RORA: variants seen among roughly 807,000 people sequenced by gnomAD.
RORA encodes RAR related orphan receptor A, also known as nuclear receptor ROR-alpha.
Under a neutral mutation model 69.5 loss-of-function variants are expected in RORA, and 7 were observed. The ratio of observed to expected loss-of-function variants is 0.10; its 90% CI spans 0.06 to 0.19. The LOEUF is 0.19. RORA is among the 10% of genes least tolerant of loss of function. The pLI is 1.00. For synonymous variants in RORA, 261 were observed against 240.8 expected (o/e 1.08, Z -0.78); for missense variants, 457 against 663.0 (o/e 0.69, Z 3.41).
chr15:60,523,491 TAGAC>T (rs2066245740), intron 3 of RORA, among the ~76,000 whole-genome samples: 1 of 152,220 alleles, frequency 6.6e-6, no homozygotes, highest in Non-Finnish European at 1.5e-5. Context: ...TACATACAGA[TAGAC>T]ACTTTTTGCT....
At chr15:60,581,266 A>C (rs2068185162) in intron 2 of RORA, among the ~76,000 whole-genome samples, 1 of 152,236 alleles carries the variant, frequency 6.6e-6, no homozygotes, top group Non-Finnish European at 1.5e-5. Context: ...GCTTAGAAAG[A>C]CTGCCAAAAC....
At chr15:60,990,983 C>A (rs1894359706) in intron 1 of RORA, among the ~76,000 whole-genome samples, 1 of 152,132 alleles carries the variant, frequency 6.6e-6, no homozygotes, top group South Asian at 2.1e-4. Flanking sequence ...TATGTCATGT[C>A]TATTAAAAAA....
rs1231962234 is a variant in RORA, at chr15:60,554,082, G to GT, written c.197-22232dup. ...ATAAGCGGGTAGAGGAAGAAGTTGG[G>GT]TTTTTTCCTCTCTAACACTGAGTAA... is the stretch of plus-strand genomic sequence containing the variant. On this transcript the variant is annotated intron_variant, in intron 2 of 10. Coordinates refer to ENST00000335670, the MANE Select transcript of RORA (RefSeq NM_134261.3). Among the ~76,000 whole-genome samples the GT allele has an allele frequency of 2.6e-5, 4 of 151,966 alleles. No individual in the cohort carries two copies. The East Asian group carries it at 7.7e-4, about 29-fold the overall frequency.
intron 2 of RORA, among the ~76,000 whole-genome samples, chr15:60,624,441 T>A (rs1420927010): frequency 7.2e-5 from 10 of 138,334 alleles, no homozygotes; most frequent in African/African-American, 2.7e-4. Context: ...CATTACCACA[T>A]GTATGGAAGA....
At chr15:60,717,796 C>CTTTTTTTTTTTTTTTTTTTTTTTTTT (rs10653856) in intron 1 of RORA, among the ~76,000 whole-genome samples, 1 of 91,992 alleles carries the variant, frequency 1.1e-5, no homozygotes, top group Non-Finnish European at 2.0e-5. Context: ...TTCTTTTTCT[C>CTTTTTTTTTTTTTTTTTTTTTTTTTT]TTTTTTTTTT....
rs114829156 is a variant in RORA at position 61,120,355 on chromosome 15, T to C, written c.166+108698A>G. On this transcript the variant is annotated intron_variant, in intron 1 of 10. Transcript: ENST00000335670. ...GAGCTGAAGACCATTGTTCCAAAGG[T>C]CTGATATGCAAGCAGAGCTGAAGAC... Among the ~76,000 whole-genome samples, 643 of 150,534 alleles carry C rather than the reference T, an allele frequency of 4.3e-3. 5 individuals carry two copies. Among genetic ancestry groups the C allele is most frequent in the Middle Eastern group, 0.02 (6 of 294 alleles).
chr15:60,602,894 C>T (rs564317000), intron 2 of RORA, among the ~76,000 whole-genome samples: 12 of 152,226 alleles, frequency 7.9e-5, no homozygotes, highest in African/African-American at 2.9e-4. Context: ...CAGAACAGTT[C>T]TATTCCCCTC....
chr15:61,173,913 C>A (rs757192747), intron 1 of RORA, among the ~76,000 whole-genome samples: 6 of 152,198 alleles, frequency 3.9e-5, no homozygotes, highest in Non-Finnish European at 7.3e-5. Flanking sequence ...CTTTTCAGAT[C>A]CATCTTCCAG....
At chr15:60,820,746 T>C (rs954931041) in intron 1 of RORA, among the ~76,000 whole-genome samples, 9 of 152,236 alleles carry the variant, frequency 5.9e-5, no homozygotes, top group African/African-American at 2.2e-4. Flanking sequence ...TCCCAACTTC[T>C]AATTTTCAAT....
intron 1 of RORA, among the ~76,000 whole-genome samples, chr15:61,081,820 A>AG (rs979798891): frequency 7.9e-5 from 12 of 151,792 alleles, no homozygotes; most frequent in Admixed American, 2.0e-4. Flanking sequence ...AAAAAAAAAA[A>AG]AAAGAAAGAA....
chr15:61,118,258 C>A (rs956441511), intron 1 of RORA, among the ~76,000 whole-genome samples: 11 of 152,082 alleles, frequency 7.2e-5, no homozygotes, highest in African/African-American at 2.4e-4. Flanking sequence ...CTCAACTGAG[C>A]CTTCAGGCCT....
rs574061217 is a variant in RORA, at chr15:60,541,925, C to G, written c.197-10074G>C. On this transcript the variant is annotated intron_variant, in intron 2 of 10. Transcript: ENST00000335670. Reference sequence around the variant, plus strand: ...TATTCCATTTTCAGTTTCTGCTCCTCTAGTCCAAGGTGCTTCTTTTGCCTA... The same window carrying G: ...TATTCCATTTTCAGTTTCTGCTCCTGTAGTCCAAGGTGCTTCTTTTGCCTA... Among the ~76,000 whole-genome samples the G allele has an allele frequency of 3.9e-5, 6 of 152,314 alleles. No individual in the cohort carries two copies. In the East Asian group the frequency reaches 9.6e-4, roughly 24 times the overall value.
At chr15:60,841,993 C>T (rs140624829) in intron 1 of RORA, among the ~76,000 whole-genome samples, 11 of 152,238 alleles carry the variant, frequency 7.2e-5, no homozygotes, top group South Asian at 2.1e-4. Context: ...CTCCTCCCCT[C>T]GCACTACAGT....
At chr15:60,811,811 C>CATT (rs879379646) in intron 1 of RORA, among the ~76,000 whole-genome samples, 13,771 of 152,116 alleles carry the variant, frequency 0.091, 1,268 homozygotes, top group African/African-American at 0.24. Flanking sequence ...ATCATTAATC[C>CATT]ACAGTAAGCA....
intron 1 of RORA, among the ~76,000 whole-genome samples, chr15:61,080,826 G>T (rs1039228094): frequency 6.6e-6 from 1 of 152,154 alleles, no homozygotes; most frequent in Non-Finnish European, 1.5e-5. Flanking sequence ...ATTCAGGTCG[G>T]CCCAATCATT....
At chr15:60,633,472 T>C (rs1159114280) in intron 2 of RORA, among the ~76,000 whole-genome samples, 3 of 152,242 alleles carry the variant, frequency 2.0e-5, no homozygotes, top group Non-Finnish European at 4.4e-5. Flanking sequence ...TTTTCTTCCC[T>C]ATCTCTATAA....
intron 2 of RORA, among the ~76,000 whole-genome samples, chr15:60,562,431 TGGGGGGGGG>T (rs2067591906): frequency 7.0e-6 from 1 of 142,720 alleles, no homozygotes; most frequent in African/African-American, 2.7e-5. Flanking sequence ...GAGGCGGGGT[TGGGGGGGGG>T]TTGCTTTTGT....
chr15:60,598,400 C>G (rs1323217776), intron 2 of RORA: 1 of 152,212 alleles, frequency 6.6e-6, no homozygotes, highest in Admixed American at 6.5e-5. Context: ...TTTTCTTCCG[C>G]TTCTGCCACC....
intron 1 of RORA, among the ~76,000 whole-genome samples, chr15:60,989,000 T>C (rs1040431266): frequency 6.6e-6 from 1 of 152,204 alleles, no homozygotes. Context: ...CCACCATGTA[T>C]ACATCATCCT....
Sources: gnomAD v4.1 joint callset for allele counts (sites outside exome capture counted in the v4.1 genomes callset) on GRCh38, gnomAD v4.1.1 for gene constraint, MANE v1.5 for transcripts, NCBI Gene and HGNC (gene_info 2026-07-23, HGNC 2026-07-21) for gene names.